CNTNAP5: variants seen among roughly 807,000 people sequenced by gnomAD.
CNTNAP5 encodes contactin-associated protein-like 5.
In CNTNAP5, 72 loss-of-function variants were observed where a neutral mutation model predicts 150.2. The ratio of observed to expected loss-of-function variants is 0.48; its 90% confidence interval spans 0.40 to 0.58. The LOEUF (loss-of-function observed/expected upper bound fraction) is 0.58. Among genes scored for constraint, CNTNAP5 ranks in the 20% least tolerant of loss-of-function variants. The pLI, the probability that CNTNAP5 is intolerant of heterozygous loss-of-function variation, is 0.00. For synonymous variants in CNTNAP5, 672 were observed against 619.8 expected, an observed-to-expected ratio of 1.08 and a Z score of -1.25; for missense variants, 1,636 against 1,626.2, an observed-to-expected ratio of 1.01 and a Z score of -0.10.
At chr2:124,645,874 G>A (rs1414172598) in intron 12 of CNTNAP5, among the ~76,000 whole-genome samples, 2 of 152,078 alleles carry the variant, frequency 1.3e-5, no homozygotes, top group African/African-American at 4.8e-5. Context: ...AGGTGAAGAG[G>A]GAGCAGGCAG....
At chr2:124,368,106 G>A (rs137923458) in intron 3 of CNTNAP5, among the ~76,000 whole-genome samples, 29 of 152,214 alleles carry the variant, frequency 1.9e-4, no homozygotes, top group East Asian at 7.7e-4. Flanking sequence ...TAGCCCATGC[G>A]TTAGCCTCGT....
chr2:124,131,906 C>T (rs1244235227), intron 1 of CNTNAP5, among the ~76,000 whole-genome samples: 4 of 152,210 alleles, frequency 2.6e-5, no homozygotes, highest in Non-Finnish European at 2.9e-5. Context: ...TGGCATTGTG[C>T]CTCAGGCATG....
intron 1 of CNTNAP5, among the ~76,000 whole-genome samples, chr2:124,147,943 C>G (rs1276167767): frequency 6.6e-6 from 1 of 152,134 alleles, no homozygotes; most frequent in African/African-American, 2.4e-5. Flanking sequence ...CGGCCGTTAG[C>G]CTTTGCGAAC....
At chr2:124,054,313 G>A (rs1279043024) in intron 1 of CNTNAP5, among the ~76,000 whole-genome samples, 1 of 152,126 alleles carries the variant, frequency 6.6e-6, no homozygotes, top group Non-Finnish European at 1.5e-5. Flanking sequence ...AAATGCTTAT[G>A]GCTTTTAAAG....
At chr2:124,546,564 C>T (rs1264808083) in intron 10 of CNTNAP5, among the ~76,000 whole-genome samples, 2 of 152,124 alleles carry the variant, frequency 1.3e-5, no homozygotes, top group African/African-American at 4.8e-5. Flanking sequence ...CCAGGAACCC[C>T]TTGGGCTGCT....
chr2:124,505,142 G>A (rs866375452), intron 8 of CNTNAP5, among the ~76,000 whole-genome samples: 1 of 152,130 alleles, frequency 6.6e-6, no homozygotes, highest in African/African-American at 2.4e-5. Context: ...TCTTACCTGG[G>A]AGTATTTAGC....
chr2:124,266,634 T>C (rs1275604660), intron 3 of CNTNAP5, among the ~76,000 whole-genome samples: 12 of 152,194 alleles, frequency 7.9e-5, no homozygotes, highest in Admixed American at 7.9e-4. Flanking sequence ...TGATGCTTTC[T>C]CTTGATAGGT....
At chr2:124,701,462 T>C (rs1586081) in intron 13 of CNTNAP5, among the ~76,000 whole-genome samples, 20,559 of 152,188 alleles carry the variant, frequency 0.14, 1,641 homozygotes, top group Non-Finnish European at 0.19. Context: ...ATATTGGGTA[T>C]TGTGAATAAT....
At chr2:124,051,688 C>T (rs1391751373) in intron 1 of CNTNAP5, among the ~76,000 whole-genome samples, 1 of 152,188 alleles carries the variant, frequency 6.6e-6, no homozygotes, top group African/African-American at 2.4e-5. Flanking sequence ...AACCTGCACA[C>T]ATTCTCCTAG....
chr2:124,298,422 C>T (rs561266722), intron 3 of CNTNAP5, among the ~76,000 whole-genome samples: 3 of 152,174 alleles, frequency 2.0e-5, no homozygotes, highest in South Asian at 4.2e-4. Context: ...CTCAAAATTA[C>T]GAAGTTTTCC....
chr2:124,843,488 T>C (rs932525466), intron 19 of CNTNAP5, among the ~76,000 whole-genome samples: 2 of 152,166 alleles, frequency 1.3e-5, no homozygotes, highest in African/African-American at 4.8e-5. Context: ...CATGTGCAAG[T>C]ATCTTTTTCA....
At chr2:124,032,331 T>G (rs2104621673) in intron 1 of CNTNAP5, among the ~76,000 whole-genome samples, 1 of 152,218 alleles carries the variant, frequency 6.6e-6, no homozygotes, top group Admixed American at 6.5e-5. Flanking sequence ...AAATTAGAGT[T>G]GTAGGTAAGC....
intron 12 of CNTNAP5, among the ~76,000 whole-genome samples, chr2:124,613,031 G>A (rs1677419000): frequency 6.6e-6 from 1 of 152,090 alleles, no homozygotes; most frequent in Admixed American, 6.5e-5. Flanking sequence ...CAGCCTGGGT[G>A]ACAGAGTAAG....
At chr2:124,451,456 T>C (rs929764290) in intron 6 of CNTNAP5, among the ~76,000 whole-genome samples, 2 of 151,926 alleles carry the variant, frequency 1.3e-5, no homozygotes, top group African/African-American at 2.4e-5. Context: ...CATGTGACTG[T>C]TCACCAAAAA....
chr2:124,319,026 T>C (rs189869582), intron 3 of CNTNAP5, among the ~76,000 whole-genome samples: 10 of 152,328 alleles, frequency 6.6e-5, no homozygotes, highest in Non-Finnish European at 1.5e-4. Flanking sequence ...CCACTGGGTA[T>C]CTGTCTCCCT....
At chr2:124,140,109 T>G (rs980535970) in intron 1 of CNTNAP5, among the ~76,000 whole-genome samples, 3 of 151,694 alleles carry the variant, frequency 2.0e-5, no homozygotes, top group Non-Finnish European at 4.4e-5. Flanking sequence ...ACCACGAGAC[T>G]ATATCCCACA....
At chr2:124,788,561 T>C (rs13015275) in intron 17 of CNTNAP5, among the ~76,000 whole-genome samples, 2 of 151,822 alleles carry the variant, frequency 1.3e-5, no homozygotes, top group African/African-American at 4.8e-5. Flanking sequence ...ACAGGTATTG[T>C]ATTCTATGTT....
rs79684135 is a variant in CNTNAP5, at chr2:124,472,691, T to C, written c.919-2048T>C. 5.3e-3 allele frequency among the ~76,000 whole-genome samples: 805 copies of C among 151,978 alleles called. 5 individuals are homozygous for C. The highest frequency in any genetic ancestry group is 0.016 in the African/African-American group (670 of 41,522). On this transcript the variant is annotated intron_variant, in intron 6 of 23. Transcript: ENST00000682447. ...TCAAGTCGCACAAAGTTTTTGGTTT[T>C]GTAGTACATATAAAAGATATGTTTA...
At chr2:124,845,193 A>T (rs1006043314) in intron 19 of CNTNAP5, among the ~76,000 whole-genome samples, 1 of 151,916 alleles carries the variant, frequency 6.6e-6, no homozygotes, top group African/African-American at 2.4e-5. Flanking sequence ...ATAAAGTGAT[A>T]CTGGTTTTTT....
Sources: allele counts gnomAD v4.1 joint callset (sites outside exome capture counted in the v4.1 genomes callset), GRCh38; gene constraint gnomAD v4.1.1; transcripts MANE v1.5; gene names NCBI Gene and HGNC (gene_info 2026-07-23, HGNC 2026-07-21).